Variants in RHOJ observed in about 807,000 individuals in gnomAD.
The protein encoded by RHOJ is rho-related GTP-binding protein RhoJ.
In RHOJ, 11 loss-of-function variants were observed where a neutral mutation model predicts 23.4. That is an observed-to-expected ratio of 0.47 (90% CI 0.30 to 0.78). RHOJ has a LOEUF of 0.78. Among genes scored for constraint, RHOJ ranks in the 30% least tolerant of loss-of-function variants. The pLI is 0.08. For synonymous variants in RHOJ, 102 were observed against 102.7 expected (o/e 0.99, Z 0.04); for missense variants, 254 against 273.4 (o/e 0.93, Z 0.50).
chr14:63,286,857 A>G (rs1459383728), intron 4 of RHOJ, among the ~76,000 whole-genome samples: 1 of 152,250 alleles, frequency 6.6e-6, no homozygotes, highest in African/African-American at 2.4e-5. Flanking sequence ...TGTCTGGCCT[A>G]GAAATGTTTT....
At chr14:63,271,158 T>A (rs1337103386) in intron 2 of RHOJ, among the ~76,000 whole-genome samples, 1 of 152,172 alleles carries the variant, frequency 6.6e-6, no homozygotes, top group Non-Finnish European at 1.5e-5. Flanking sequence ...AAATAGATTA[T>A]AAGATATTTT....
intron 2 of RHOJ, among the ~76,000 whole-genome samples, chr14:63,277,312 C>G (rs1181477978): frequency 6.6e-6 from 1 of 152,152 alleles, no homozygotes; most frequent in East Asian, 1.9e-4. Flanking sequence ...AATGGCTGAC[C>G]TTTAGCAATA....
At chr14:63,211,472 A>T (rs2356154) in intron 1 of RHOJ, among the ~76,000 whole-genome samples, 2 of 151,912 alleles carry the variant, frequency 1.3e-5, no homozygotes, top group African/African-American at 4.8e-5. Context: ...CTCTAAAAAA[A>T]AATTATGGAT....
intron 2 of RHOJ, among the ~76,000 whole-genome samples, chr14:63,273,047 G>T (rs1895500508): frequency 2.0e-5 from 3 of 152,110 alleles, no homozygotes; most frequent in Admixed American, 2.0e-4. Context: ...AGTTTATAAT[G>T]AAGTCACTTG....
chr14:63,220,068 G>C (rs981489638), intron 1 of RHOJ, among the ~76,000 whole-genome samples: 2 of 152,060 alleles, frequency 1.3e-5, no homozygotes, highest in African/African-American at 4.8e-5. Flanking sequence ...ATTATGCTGC[G>C]ATGCAAGGGG....
At chr14:63,214,764 T>C (rs1277666644) in intron 1 of RHOJ, among the ~76,000 whole-genome samples, 1 of 152,096 alleles carries the variant, frequency 6.6e-6, no homozygotes, top group Non-Finnish European at 1.5e-5. Context: ...GAGACTAACC[T>C]TACTTACCCA....
chr14:63,222,543 T>A (rs960865962), intron 1 of RHOJ, among the ~76,000 whole-genome samples: 131 of 152,308 alleles, frequency 8.6e-4, no homozygotes, highest in African/African-American at 2.9e-3. Context: ...GGTATCTCAT[T>A]GTGGTTGTGA....
chr14:63,267,590 A>G (rs981618212), intron 1 of RHOJ, among the ~76,000 whole-genome samples: 1 of 152,246 alleles, frequency 6.6e-6, no homozygotes, highest in Non-Finnish European at 1.5e-5. Context: ...CCATTTAGGC[A>G]GATTTCAGAA....
At chr14:63,263,654 T>A (rs930594383) in intron 1 of RHOJ, among the ~76,000 whole-genome samples, 3 of 152,114 alleles carry the variant, frequency 2.0e-5, no homozygotes, top group Admixed American at 2.0e-4. Context: ...AAGCTGAACA[T>A]CCAACATGGC....
At chr14:63,254,281 C>G (rs933301468) in intron 1 of RHOJ, among the ~76,000 whole-genome samples, 1 of 152,102 alleles carries the variant, frequency 6.6e-6, no homozygotes, top group Non-Finnish European at 1.5e-5. Flanking sequence ...CTGGCATGCA[C>G]ACCAGAAAGT....
chr14:63,268,234 A>C (rs897473749), intron 1 of RHOJ, among the ~76,000 whole-genome samples: 1 of 152,098 alleles, frequency 6.6e-6, no homozygotes, highest in African/African-American at 2.4e-5. Context: ...TGGAAATTTA[A>C]ATTTGCTCTT....
At chr14:63,289,705 G>A (rs375398729) in intron 4 of RHOJ, among the ~76,000 whole-genome samples, 23 of 152,242 alleles carry the variant, frequency 1.5e-4, no homozygotes, top group African/African-American at 5.5e-4. Flanking sequence ...GTTCTGGCCT[G>A]AATTTCTATA....
chr14:63,268,567 G>A (rs577058344), intron 1 of RHOJ, among the ~76,000 whole-genome samples: 4 of 152,120 alleles, frequency 2.6e-5, no homozygotes, highest in Admixed American at 1.3e-4. Context: ...CAAAATGAAC[G>A]CTAAGCCCTT....
chr14:63,230,123 A>C (rs144488368), intron 1 of RHOJ, among the ~76,000 whole-genome samples: 15 of 152,224 alleles, frequency 9.9e-5, no homozygotes, highest in African/African-American at 3.6e-4. Context: ...GTGGTGATGC[A>C]AGCAAAGGTA....
intron 1 of RHOJ, among the ~76,000 whole-genome samples, chr14:63,207,266 G>A (rs371267674): frequency 2.0e-5 from 3 of 151,944 alleles, no homozygotes; most frequent in Non-Finnish European, 2.9e-5. Context: ...TCCTTACCTC[G>A]TGTTCTGCCT....
intron 4 of RHOJ, among the ~76,000 whole-genome samples, chr14:63,287,209 C>G (rs148193515): frequency 6.6e-6 from 1 of 152,264 alleles, no homozygotes; most frequent in Non-Finnish European, 1.5e-5. Context: ...ATGACATTTG[C>G]TAGAGACAGC....
At chr14:63,212,562 C>T (rs1166800113) in intron 1 of RHOJ, among the ~76,000 whole-genome samples, 1 of 152,112 alleles carries the variant, frequency 6.6e-6, no homozygotes, top group African/African-American at 2.4e-5. Context: ...ACACAATTTG[C>T]CCCATGCGGT....
chr14:63,233,841 C>T (rs928800848), intron 1 of RHOJ, among the ~76,000 whole-genome samples: 5 of 152,184 alleles, frequency 3.3e-5, no homozygotes, highest in African/African-American at 1.2e-4. Flanking sequence ...ACAACAAATC[C>T]AAGCACATCA....
intron 1 of RHOJ, among the ~76,000 whole-genome samples, chr14:63,241,009 C>G (rs1021854727): frequency 6.6e-6 from 1 of 152,186 alleles, no homozygotes; most frequent in African/African-American, 2.4e-5. Context: ...CTTGCTTTCT[C>G]CCCAGAGAGC....
Sources: allele counts gnomAD v4.1 joint callset (sites outside exome capture counted in the v4.1 genomes callset), GRCh38; gene constraint gnomAD v4.1.1; transcripts MANE v1.5; gene names NCBI Gene and HGNC (gene_info 2026-07-23, HGNC 2026-07-21).